Variants in CDK12 observed in about 807,000 individuals in gnomAD.
CDK12 encodes the protein cyclin-dependent kinase 12.
In CDK12, 17 loss-of-function variants were observed where a neutral mutation model predicts 133.8. The observed-to-expected ratio is 0.13, with a 90% CI of 0.09 to 0.19. The LOEUF is 0.19. CDK12 is among the 10% of genes least tolerant of loss of function. The pLI is 1.00. For missense variants in CDK12, 1,508 were observed against 1,818.7 expected (o/e 0.83, Z 3.11); for synonymous variants, 694 against 683.6 (o/e 1.02, Z -0.24).
chr17:39,557,460 C>G (rs2056203363), intron 3 of CDK12, among the ~76,000 whole-genome samples: 1 of 152,162 alleles, frequency 6.6e-6, no homozygotes, highest in Non-Finnish European at 1.5e-5. Flanking sequence ...CTCAACAAAG[C>G]TGGGGAAAGA....
At chr17:39,507,361 C>T (rs965827425) in intron 6 of CDK12, among the ~76,000 whole-genome samples, 5 of 150,484 alleles carry the variant, frequency 3.3e-5, no homozygotes, top group East Asian at 2.0e-4. Context: ...CCGAGGCAGG[C>T]GGATCACCTG....
rs543430772 is a variant in CDK12, at chr17:39,533,199, T to G, written c.*1883T>G. ...TGTGTATTTCTTTATTATTCTCTGG[T>G]TTTTGATCTGGCCTTGCCTCCAGGG... is the stretch of plus-strand genomic sequence containing the variant. On this transcript the variant is annotated 3_prime_UTR_variant, in exon 14 of 14. Transcript: ENST00000447079. 4.3e-6 allele frequency: 1 copy of G among 232,688 alleles called. No individual in the cohort carries two copies. Among genetic ancestry groups the G allele is most frequent in the Non-Finnish European group, 8.5e-6 (1 of 117,722 alleles). The allele number at this position is 232,688 out of a possible 1,614,324, so 14.4% of individuals were successfully genotyped here. A position where few individuals can be genotyped will look rare whatever the true frequency, so the allele number is the denominator to read the frequency against.
chr17:39,557,830 GAGAC>G (rs1451274474), intron 3 of CDK12, among the ~76,000 whole-genome samples: 2 of 152,148 alleles, frequency 1.3e-5, no homozygotes, highest in Non-Finnish European at 2.9e-5. Flanking sequence ...ACAAGTTTTG[GAGAC>G]AGACAGCCCT....
At chr17:39,465,543 G>C (rs372801325) in intron 1 of CDK12, among the ~76,000 whole-genome samples, 3 of 151,790 alleles carry the variant, frequency 2.0e-5, no homozygotes, top group East Asian at 1.9e-4. Context: ...CTGGAGTGCA[G>C]TGGAGCGATC....
At chr17:39,499,223 TTG>T (rs796235657) in intron 5 of CDK12, among the ~76,000 whole-genome samples, 1 of 107,310 alleles carries the variant, frequency 9.3e-6, no homozygotes, top group Admixed American at 1.0e-4. Context: ...TTTTTTTTTT[TTG>T]AGACAGAGTC....
intron 3 of CDK12, among the ~76,000 whole-genome samples, chr17:39,562,902 C>CT (rs59852699): frequency 0.044 from 4,093 of 92,418 alleles, 97 homozygotes; most frequent in Non-Finnish European, 0.062. Context: ...TTTTTCTTTT[C>CT]TTTTTTTTTT....
chr17:39,475,042 C>G (rs906506658), intron 2 of CDK12, among the ~76,000 whole-genome samples: 1 of 151,746 alleles, frequency 6.6e-6, no homozygotes, highest in South Asian at 2.1e-4. Context: ...ACCATGTTGG[C>G]CAGGCTGGTC....
chr17:39,493,984 AGAC>A, intron 4 of CDK12, among the ~76,000 whole-genome samples: 1 of 152,162 alleles, frequency 6.6e-6, no homozygotes, highest in Non-Finnish European at 1.5e-5. Context: ...TGACAGAGCA[AGAC>A]TCCATCTCAA....
intron 11 of CDK12, among the ~76,000 whole-genome samples, chr17:39,521,860 C>A (rs1266088503): frequency 1.3e-5 from 2 of 149,206 alleles, no homozygotes; most frequent in Admixed American, 1.3e-4. Flanking sequence ...CCACTCCCAG[C>A]CTTTTTTTTT....
chr17:39,521,069 T>A (rs1370590253), intron 11 of CDK12, among the ~76,000 whole-genome samples: 1 of 151,956 alleles, frequency 6.6e-6, no homozygotes, highest in Non-Finnish European at 1.5e-5. Context: ...GGTCTCGAAC[T>A]CCCGACCTCA....
In CDK12 at chr17:39,555,828, TACACACACACACACACAC is replaced by T. The variant is rs60227908; in HGVS notation, n.357-418_357-401del. ...GGGAAACATAGTGAAACCTCATCTC[TACACACACACACACACAC>T]ACACACACACACACACACACACACA... On this transcript the variant is annotated intron_variant and non_coding_transcript_variant, in intron 2 of 3. Transcript: ENST00000558240. 4.5e-3 allele frequency among the ~76,000 whole-genome samples: 487 copies of T among 108,686 alleles called. 5 individuals are homozygous for T. The highest frequency in any genetic ancestry group is 0.015 in the African/African-American group (406 of 26,954). The allele number at this position is 108,686 out of a possible 152,430, so 71.3% of individuals were successfully genotyped here. A position where few individuals can be genotyped will look rare whatever the true frequency, so the allele number is the denominator to read the frequency against.
chr17:39,565,393 C>CCT (rs1567829985), downstream of CDK12, among the ~76,000 whole-genome samples: 1 of 150,610 alleles, frequency 6.6e-6, no homozygotes, highest in African/African-American at 2.4e-5. Context: ...GGATTACAGG[C>CCT]GTGAGCCACC....
At chr17:39,557,865 C>A (rs967084264) in intron 3 of CDK12, among the ~76,000 whole-genome samples, 1 of 152,178 alleles carries the variant, frequency 6.6e-6, no homozygotes, top group Non-Finnish European at 1.5e-5. Context: ...GCCATCTCTG[C>A]CACTTACCAG....
At chr17:39,481,330 T>TC (rs200202961) in intron 2 of CDK12, among the ~76,000 whole-genome samples, 17 of 126,166 alleles carry the variant, frequency 1.3e-4, no homozygotes, top group Non-Finnish European at 2.2e-4. Flanking sequence ...CTTCTTTCTC[T>TC]TTTTTTTTTT....
At position 39,490,661 on chromosome 17, in the gene CDK12, A is replaced by C. The variant is rs755334329; in HGVS notation, c.2036A>C (p.Asp679Ala). Residue 679 changes from aspartate (D) to alanine (A), a missense_variant, in exon 3 of 14, where the codon GAT becomes GCT. Physicochemically the swap from Asp to Ala is moderately radical, Grantham distance 126. Around this residue, in one of 9 missense-constraint regions of CDK12, gnomAD observed 347 missense variants for 330.8 expected, o/e 1.05. Transcript: ENST00000447079. Reference protein sequence around the residue: ...LPLPPELPGGDLSPPDSPEPK... With the variant: ...LPLPPELPGGALSPPDSPEPK... ...CTCCCTCCAGAGCTCCCTGGTGGAG[A>C]TCTGTCTCCCCCAGACTCTCCAGAA... 7 of 1,613,304 alleles carry C rather than the reference A, an allele frequency of 4.3e-6. No homozygotes were observed. The Admixed American group carries it at 1.0e-4, about 23-fold the overall frequency.
upstream of CDK12, chr17:39,544,496 G>C (rs1287498280): frequency 4.6e-6 from 1 of 217,006 alleles, no homozygotes; most frequent in African/African-American, 4.0e-5. Flanking sequence ...TTTATTTTTT[G>C]AGACAGAGTC....
At chr17:39,556,850 T>A (rs970957399) in intron 3 of CDK12, 1 of 152,064 alleles carries the variant, frequency 6.6e-6, no homozygotes, top group Non-Finnish European at 1.5e-5. Context: ...CTCCCCTCCA[T>A]TCTATGTGTC....
At chr17:39,519,380 C>G (rs2054021526) in intron 10 of CDK12, among the ~76,000 whole-genome samples, 1 of 136,494 alleles carries the variant, frequency 7.3e-6, no homozygotes, top group Non-Finnish European at 1.5e-5. Flanking sequence ...GTGATCTTGG[C>G]TCACTGCAAC....
intron 2 of CDK12, among the ~76,000 whole-genome samples, chr17:39,472,916 G>A (rs2049906366): frequency 6.6e-6 from 1 of 151,130 alleles, no homozygotes; most frequent in Non-Finnish European, 1.5e-5. Flanking sequence ...CTCTACTAAA[G>A]ATTTAAAAAA....
Sources: gnomAD v4.1 joint callset for allele counts (sites outside exome capture counted in the v4.1 genomes callset) on GRCh38, gnomAD v4.1.1 for gene constraint, gnomAD v4.1.1 regional missense constraint, MANE v1.5 for transcripts, NCBI Gene and HGNC (gene_info 2026-07-23, HGNC 2026-07-21) for gene names.